Variants in TRPM7 observed in about 807,000 individuals in gnomAD.
TRPM7 encodes the protein transient receptor potential cation channel subfamily M member 7.
TRPM7 carries 134 observed loss-of-function variants against 229.7 expected under a neutral mutation model. The observed-to-expected ratio is 0.58, with a 90% CI of 0.51 to 0.67. TRPM7 has a LOEUF of 0.67. Among genes scored for constraint, TRPM7 ranks in the 30% least tolerant of loss-of-function variants. The pLI is 0.00. For synonymous variants in TRPM7, 699 were observed against 715.2 expected (o/e 0.98, Z 0.36); for missense variants, 1,901 against 2,210.0 (o/e 0.86, Z 2.80).
rs527747101 is a variant in TRPM7 at position 50,675,940 on chromosome 15, G to A, written c.3+10591C>T. ...CTGTTTACTATGTGTGCAACCTTGT[G>A]CAAGTTTCAGAGCCTCTTTTTGCTT... is the stretch of plus-strand genomic sequence containing the variant. On this transcript the variant is annotated intron_variant, in intron 1 of 38. Transcript: ENST00000646667. 3.9e-5 allele frequency among the ~76,000 whole-genome samples: 6 copies of A among 152,300 alleles called. No individual in the cohort carries two copies. In the South Asian group the frequency reaches 1.0e-3, roughly 26 times the overall value.
chr15:50,644,386 T>TC lies in TRPM7; in HGVS notation c.322-834dup. Among the ~76,000 whole-genome samples the TC allele has an allele frequency of 2.0e-5, 3 of 152,314 alleles. No homozygotes were observed. The South Asian group carries it at 6.2e-4, about 32-fold the overall frequency. ...TATATGAAGTAGCTCATAAGAAACT[T>TC]CAAGTATTCAGACATTGAGACATTT... On this transcript the variant is annotated intron_variant, in intron 4 of 38. Coordinates refer to ENST00000646667, the MANE Select transcript of TRPM7 (RefSeq NM_017672.6).
chr15:50,574,297 T>C lies in TRPM7; in HGVS notation c.5285A>G (p.Glu1762Gly). 2 of 1,613,816 alleles carry C rather than the reference T, an allele frequency of 1.2e-6. No homozygotes were observed. The highest frequency in any genetic ancestry group is 1.7e-6 in the Non-Finnish European group (2 of 1,179,842). ...ACCTTGCAAATCAAGTACCAGTAAC[T>C]CCCCTCTTGTATATTCGTAAGTCCA... ...SHWTYEYTRG[E>G]LLVLDLQGVG... Residue 1762 changes from glutamate to glycine, a missense_variant, in exon 36 of 39, where the codon GAG becomes GGG. This residue lies in a region of TRPM7 where 257 missense variants were observed against 352.0 expected (regional missense o/e 0.73). Transcript: ENST00000646667.
Position 50,673,586 on chromosome 15 carries a change from G to A in TRPM7, c.4-10540C>T, listed in dbSNP as rs944343634. On this transcript the variant is annotated intron_variant, in intron 1 of 38. Transcript: ENST00000646667. ...AGTCTCCAATCTCATCCAGGTCACT[G>A]TGAATGCCATTAATTCATTCCTTTT... Among the ~76,000 whole-genome samples, 101 of 152,068 alleles carry A rather than the reference G, an allele frequency of 6.6e-4. 1 individual carries two copies. The highest frequency in any genetic ancestry group is 2.2e-4 in the Non-Finnish European group (15 of 68,024).
At chr15:50,613,587 A>C in intron 15 of TRPM7, 120 bp downstream of exon 15, 1 of 800,480 alleles carries the variant, frequency 1.2e-6, no homozygotes, top group South Asian at 2.8e-5. Flanking sequence ...ATTCTAGGAC[A>C]TATCCAAAAA....
chr15:50,655,454 A>AC (rs1358826933), intron 3 of TRPM7, among the ~76,000 whole-genome samples: 10 of 144,268 alleles, frequency 6.9e-5, no homozygotes, highest in African/African-American at 2.5e-4. Context: ...AAAACAAAAA[A>AC]ACAAAAAACC....
chr15:50,609,826 T>C lies in TRPM7; in HGVS notation c.2416A>G (p.Ile806Val), dbSNP rs1479137372. ...CTTACCATGGGGATCTCTTCTGTTA[T>C]GTTCTGAAAGTTGTTTTCGCTGTCA... Reference protein sequence around the residue: ...MDDSENNFQNITEEIPMEVFK... With the variant: ...MDDSENNFQNVTEEIPMEVFK... The change falls in exon 18 of 39, where the codon ATA (isoleucine) becomes GTA (valine). Residue 806 changes from isoleucine to valine, a missense_variant. Physicochemically the swap from Ile to Val is conservative, Grantham distance 29. This residue lies in a region of TRPM7 where 207 missense variants were observed against 241.5 expected (regional missense o/e 0.86). Coordinates refer to ENST00000646667, the MANE Select transcript of TRPM7 (RefSeq NM_017672.6). 1 of 1,612,880 alleles carries C rather than the reference T, an allele frequency of 6.2e-7. No individual in the cohort carries two copies. Among genetic ancestry groups the C allele is most frequent in the Admixed American group, 1.7e-5 (1 of 59,966 alleles).
At chr15:50,668,619 T>G (rs1473535473) in intron 1 of TRPM7, among the ~76,000 whole-genome samples, 2 of 152,206 alleles carry the variant, frequency 1.3e-5, no homozygotes, top group African/African-American at 4.8e-5. Flanking sequence ...GTAATTCTCC[T>G]GCCTCAGCCT....
chr15:50,561,997 C>T (rs750569876), intron 38 of TRPM7, among the ~76,000 whole-genome samples, 189 bp from the exon 39 acceptor site: 9 of 152,076 alleles, frequency 5.9e-5, no homozygotes, highest in African/African-American at 1.9e-4. Context: ...CGGGTTCAAG[C>T]GATTCTCCTA....
Position 50,561,131 on chromosome 15 carries a change from TAC to T in TRPM7, c.*545_*546del, listed in dbSNP as rs1435408026. Reference sequence around the variant, plus strand: ...AATGGTCTTCAGTTCAGGCTTCTCATACCTCTGTGAACCTAGAATTAGAACAA... The same window carrying T: ...AATGGTCTTCAGTTCAGGCTTCTCATCTCTGTGAACCTAGAATTAGAACAA... On this transcript the variant is annotated 3_prime_UTR_variant, in exon 39 of 39. Coordinates refer to ENST00000646667, the MANE Select transcript of TRPM7 (RefSeq NM_017672.6). The T allele has an allele frequency of 6.5e-6, 1 of 152,744 alleles. No homozygotes were observed. Among genetic ancestry groups the T allele is most frequent in the Non-Finnish European group, 1.5e-5 (1 of 68,178 alleles). 9.5% of individuals were successfully genotyped at this position (152,744 alleles called of 1,614,324 possible).
chr15:50,602,676 A>G (rs556863880), intron 21 of TRPM7, among the ~76,000 whole-genome samples: 2 of 152,334 alleles, frequency 1.3e-5, no homozygotes, highest in East Asian at 3.9e-4. Flanking sequence ...ACCATGTCTT[A>G]TTCATCTTTG....
intron 1 of TRPM7, among the ~76,000 whole-genome samples, chr15:50,683,496 A>G (rs1292388864): frequency 6.6e-6 from 1 of 151,238 alleles, no homozygotes; most frequent in Non-Finnish European, 1.5e-5. Flanking sequence ...ACACTTTGGG[A>G]GGCCGAGGCG....
chr15:50,677,760 AC>A (rs371070765), intron 1 of TRPM7, among the ~76,000 whole-genome samples: 12,727 of 134,958 alleles, frequency 0.094, 1,425 homozygotes, highest in East Asian at 0.19. Flanking sequence ...AAAAAAAAAA[AC>A]AAAAGGTAAC....
intron 4 of TRPM7, among the ~76,000 whole-genome samples, chr15:50,645,631 C>T (rs1366481614): frequency 1.3e-5 from 2 of 152,116 alleles, no homozygotes; most frequent in Non-Finnish European, 2.9e-5. Context: ...CGTGCCCAGC[C>T]GGATTTGTTC....
chr15:50,565,865 C>T (rs1163206575), intron 38 of TRPM7, among the ~76,000 whole-genome samples: 1 of 151,906 alleles, frequency 6.6e-6, no homozygotes, highest in East Asian at 1.9e-4. Context: ...GCTCTGTCGC[C>T]CAGGCCAGAG....
intron 27 of TRPM7, among the ~76,000 whole-genome samples, chr15:50,587,482 T>C (rs985241362): frequency 6.9e-6 from 1 of 145,930 alleles, no homozygotes; most frequent in African/African-American, 2.5e-5. Flanking sequence ...ACACAGCTAC[T>C]GCTTTTCTGC....
chr15:50,621,137 G>C lies in TRPM7; in HGVS notation c.1441-1339C>G, dbSNP rs1206832720. Among the ~76,000 whole-genome samples, 18 of 120,446 alleles carry C rather than the reference G, an allele frequency of 1.5e-4. No homozygotes were observed. The East Asian group carries it at 4.0e-3, about 27-fold the overall frequency. 79.0% of individuals were successfully genotyped at this position (120,446 alleles called of 152,430 possible). Reference sequence around the variant, plus strand: ...ATCGCGCCACTGCACTCCAGCCTGGGCAACAGCGAGACTCCGTCTCAAAAA... The same window carrying C: ...ATCGCGCCACTGCACTCCAGCCTGGCCAACAGCGAGACTCCGTCTCAAAAA... On this transcript the variant is annotated intron_variant, in intron 12 of 38. Transcript: ENST00000646667.
Position 50,666,954 on chromosome 15 carries a change from T to C in TRPM7, c.4-3908A>G, listed in dbSNP as rs7168702. Among the ~76,000 whole-genome samples, 183 of 152,276 alleles carry C rather than the reference T, an allele frequency of 1.2e-3. 2 individuals carry two copies. The East Asian group carries it at 0.03, about 25-fold the overall frequency. On this transcript the variant is annotated intron_variant, in intron 1 of 38. Transcript: ENST00000646667. ...TTCTTTACTTTCCTAATAAACTTGC[T>C]TTTACTTTACTGTATGGATTCGCCT...
chr15:50,674,595 G>A (rs138211774), intron 1 of TRPM7, among the ~76,000 whole-genome samples: 1 of 152,074 alleles, frequency 6.6e-6, no homozygotes, highest in Non-Finnish European at 1.5e-5. Flanking sequence ...TGGTATTAGA[G>A]TATTCTAAAT....
At chr15:50,570,019 A>C in intron 37 of TRPM7, 26 bp from the exon 38 acceptor site, 1 of 1,594,728 alleles carries the variant, frequency 6.3e-7, no homozygotes, top group Non-Finnish European at 8.5e-7. Flanking sequence ...TTTTAAAAAA[A>C]ACAACAAAAA....
Sources: allele counts gnomAD v4.1 joint callset (sites outside exome capture counted in the v4.1 genomes callset), GRCh38; gene constraint gnomAD v4.1.1; regional missense constraint gnomAD v4.1.1; transcripts MANE v1.5; gene names NCBI Gene and HGNC (gene_info 2026-07-23, HGNC 2026-07-21).